Variants in EIF3H observed in about 807,000 individuals in gnomAD.
EIF3H encodes eukaryotic translation initiation factor 3 subunit H.
Under a neutral mutation model 44.2 loss-of-function variants are expected in EIF3H, and 26 were observed. That is an observed-to-expected ratio of 0.59 (90% CI 0.43 to 0.82). EIF3H has a LOEUF of 0.82. EIF3H is among the 40% of genes least tolerant of loss of function. The pLI, the probability that EIF3H is intolerant of heterozygous loss-of-function variation, is 0.00. For synonymous variants in EIF3H, 166 were observed against 151.9 expected (o/e 1.09, Z -0.68); for missense variants, 359 against 432.8 (o/e 0.83, Z 1.51).
intron 2 of EIF3H, among the ~76,000 whole-genome samples, chr8:116,704,433 C>T (rs995823414): frequency 6.6e-6 from 1 of 152,206 alleles, no homozygotes; most frequent in Non-Finnish European, 1.5e-5. Context: ...TTCAAGAGTA[C>T]TGCCTTGCCA....
intron 7 of EIF3H, among the ~76,000 whole-genome samples, chr8:116,646,240 C>G (rs1813294826): frequency 6.6e-6 from 1 of 152,144 alleles, no homozygotes; most frequent in Non-Finnish European, 1.5e-5. Context: ...TATGCCATCT[C>G]AAAAATGTTT....
chr8:116,658,622 T>C, intron 3 of EIF3H, 191 bp downstream of exon 3: 1 of 529,410 alleles, frequency 1.9e-6, no homozygotes, highest in Non-Finnish European at 3.2e-6. Context: ...ATCAGGGCTC[T>C]GATAGCAAGA....
At chr8:116,695,140 C>G (rs1814247525) in intron 2 of EIF3H, among the ~76,000 whole-genome samples, 1 of 148,988 alleles carries the variant, frequency 6.7e-6, no homozygotes, top group South Asian at 2.1e-4. Context: ...GCAATCTAGG[C>G]TCACTACAAC....
chr8:116,724,081 G>T (rs999934018), intron 2 of EIF3H, among the ~76,000 whole-genome samples: 2 of 152,152 alleles, frequency 1.3e-5, no homozygotes, highest in African/African-American at 2.4e-5. Flanking sequence ...TCCAAAAAGT[G>T]TACTTCTGAC....
chr8:116,652,885 T>TG (rs964979309), intron 5 of EIF3H, among the ~76,000 whole-genome samples: 4 of 152,216 alleles, frequency 2.6e-5, no homozygotes, highest in African/African-American at 9.6e-5. Flanking sequence ...TTCAGGTTTC[T>TG]GATCCTTTCA....
chr8:116,648,786 A>G lies in EIF3H; in HGVS notation c.828+20T>C. On this transcript the variant is annotated intron_variant, in intron 6 of 7. Transcript: ENST00000521861. ...GAAACTTAGAAATAGCTGTTTGTTG[A>G]ATTTTTCCACAATACCAACCTGATG... is the stretch of plus-strand genomic sequence containing the variant. 1.3e-6 allele frequency: 2 copies of G among 1,557,078 alleles called. No individual in the cohort carries two copies. Among genetic ancestry groups the G allele is most frequent in the Non-Finnish European group, 8.7e-7 (1 of 1,152,430 alleles).
At chr8:116,697,243 T>A in intron 2 of EIF3H, 1 of 453,840 alleles carries the variant, frequency 2.2e-6, no homozygotes, top group Non-Finnish European at 4.4e-6. Flanking sequence ...TGGGCCTAGA[T>A]GAAATCAGAA....
chr8:116,747,101 C>A (rs918260529), intron 1 of EIF3H, among the ~76,000 whole-genome samples: 2 of 152,038 alleles, frequency 1.3e-5, no homozygotes, highest in African/African-American at 4.8e-5. Flanking sequence ...CTCTGCCTGT[C>A]GTCCAGGTTG....
At chr8:116,696,967 A>G in intron 2 of EIF3H, 7 of 365,298 alleles carry the variant, frequency 1.9e-5, no homozygotes, top group South Asian at 1.2e-4. Context: ...AAAAAAAGCT[A>G]GGACACCAAC....
chr8:116,657,624 T>C (rs894245459), intron 3 of EIF3H: 1 of 345,460 alleles, frequency 2.9e-6, no homozygotes, highest in Non-Finnish European at 5.4e-6. Context: ...AAATGTATCA[T>C]ATGTTCTAGA....
chr8:116,733,783 T>G lies in EIF3H; in HGVS notation c.133-7611A>C, dbSNP rs200828782. 2.4e-3 allele frequency among the ~76,000 whole-genome samples: 372 copies of G among 152,260 alleles called. 2 individuals carry two copies. Among genetic ancestry groups the G allele is most frequent in the Middle Eastern group, 0.01 (3 of 294 alleles). On this transcript the variant is annotated intron_variant, in intron 1 of 7. Coordinates refer to ENST00000521861, the MANE Select transcript of EIF3H (RefSeq NM_003756.3). ...AGCTTTGAAAAAAATTAAAAATAAATGCATTACATGCTAATATAAACTATG... is the reference window on the plus strand; with the variant it reads ...AGCTTTGAAAAAAATTAAAAATAAAGGCATTACATGCTAATATAAACTATG...
At chr8:116,650,226 T>C (rs1813365794) in intron 5 of EIF3H, among the ~76,000 whole-genome samples, 1 of 152,192 alleles carries the variant, frequency 6.6e-6, no homozygotes, top group East Asian at 1.9e-4. Context: ...GTTAAAAGTC[T>C]ACTGTGGGGT....
chr8:116,752,511 A>G (rs1264338532), intron 1 of EIF3H, among the ~76,000 whole-genome samples: 2 of 151,784 alleles, frequency 1.3e-5, no homozygotes, highest in East Asian at 3.9e-4. Flanking sequence ...CATTTTACAA[A>G]GGATACACCT....
At chr8:116,647,071 T>C (rs1318647846) in intron 6 of EIF3H, among the ~76,000 whole-genome samples, 1 of 152,176 alleles carries the variant, frequency 6.6e-6, no homozygotes, top group East Asian at 1.9e-4. Context: ...TTCACTACTG[T>C]TACGGCTTTT....
In EIF3H at chr8:116,693,241, A is replaced by AG. The variant is rs540667580; in HGVS notation, c.289+32774dup. On this transcript the variant is annotated intron_variant, in intron 2 of 7. Transcript: ENST00000521861. ...GAAATATAAAGAACATTCAATTTTT[A>AG]GGAAACTACATTCTTAATTTTATAA... Among the ~76,000 whole-genome samples the AG allele has an allele frequency of 4.4e-3, 672 of 152,354 alleles. 7 individuals carry two copies. The highest frequency in any genetic ancestry group is 0.015 in the African/African-American group (632 of 41,592).
chr8:116,725,132 C>T (rs920116040), intron 2 of EIF3H, among the ~76,000 whole-genome samples: 8 of 152,150 alleles, frequency 5.3e-5, no homozygotes, highest in African/African-American at 1.9e-4. Flanking sequence ...GTCATTGCTA[C>T]AACATGGATG....
intron 1 of EIF3H, 147 bp downstream of exon 1, chr8:116,755,519 G>C: frequency 9.4e-7 from 1 of 1,063,430 alleles, no homozygotes. Context: ...TGAACAAAAA[G>C]TGAAGATGAA....
At chr8:116,649,780 G>C (rs547264548) in intron 5 of EIF3H, among the ~76,000 whole-genome samples, 17 of 152,178 alleles carry the variant, frequency 1.1e-4, no homozygotes, top group African/African-American at 4.1e-4. Context: ...TCTTATAACT[G>C]ATTAGGGATG....
intron 5 of EIF3H, 144 bp downstream of exon 5, chr8:116,655,712 C>CTAT: frequency 1.2e-6 from 1 of 831,974 alleles, no homozygotes; most frequent in Non-Finnish European, 1.9e-6. Context: ...CAGGGCCAGA[C>CTAT]TATTACTCCA....
Sources: allele counts gnomAD v4.1 joint callset (sites outside exome capture counted in the v4.1 genomes callset), GRCh38; gene constraint gnomAD v4.1.1; transcripts MANE v1.5; gene names NCBI Gene and HGNC (gene_info 2026-07-23, HGNC 2026-07-21).